NPAS3: variants seen among roughly 807,000 people sequenced by gnomAD.
NPAS3 encodes the protein neuronal PAS domain protein 3.
In NPAS3, 14 loss-of-function variants were observed where a neutral mutation model predicts 73.1. That is an observed-to-expected ratio of 0.19 (90% confidence interval 0.13 to 0.30). The LOEUF is 0.30. Among genes scored for constraint, NPAS3 ranks in the 10% least tolerant of loss-of-function variants. The probability of loss-of-function intolerance (pLI) is 1.00; values close to 1 mark genes in which losing one functional copy is unlikely to be tolerated. For missense variants in NPAS3, 1,096 were observed against 1,250.0 expected (o/e 0.88, Z 1.86); for synonymous variants, 620 against 541.5 (o/e 1.14, Z -2.01).
Position 33,574,085 on chromosome 14 carries a change from C to A in NPAS3, c.558+13875C>A, listed in dbSNP as rs374763674. 2.8e-4 allele frequency among the ~76,000 whole-genome samples: 42 copies of A among 152,236 alleles called. No homozygotes were observed. The South Asian group carries it at 7.7e-3, about 28-fold the overall frequency. On this transcript the variant is annotated intron_variant, in intron 5 of 11. Transcript: ENST00000356141. ...TTCAGAGCTCAAGAGAGGTTGGGTT[C>A]AAAGTTCCAGGTTGGGAGGTGGTTA...
At chr14:33,766,727 A>T (rs2062474603) in intron 7 of NPAS3, among the ~76,000 whole-genome samples, 1 of 152,140 alleles carries the variant, frequency 6.6e-6, no homozygotes, top group Non-Finnish European at 1.5e-5. Flanking sequence ...CCATCCACTT[A>T]CTTCCTGAGT....
intron 3 of NPAS3, among the ~76,000 whole-genome samples, chr14:33,256,701 G>T (rs1241144128): frequency 6.6e-6 from 1 of 152,032 alleles, no homozygotes; most frequent in Non-Finnish European, 1.5e-5. Flanking sequence ...ATTTCCTTCT[G>T]TTGTAAACAC....
intron 7 of NPAS3, among the ~76,000 whole-genome samples, chr14:33,765,747 A>G (rs2062441851): frequency 1.3e-5 from 2 of 152,048 alleles, no homozygotes. Context: ...GGTCATCTTT[A>G]TTAAGATCTC....
chr14:33,419,955 T>C (rs1413928824), intron 4 of NPAS3, among the ~76,000 whole-genome samples: 1 of 151,934 alleles, frequency 6.6e-6, no homozygotes. Flanking sequence ...TACTTCCAAG[T>C]TACTTTTTTT....
chr14:33,707,119 A>G (rs10147995), intron 6 of NPAS3, among the ~76,000 whole-genome samples: 4,339 of 152,308 alleles, frequency 0.028, 205 homozygotes, highest in African/African-American at 0.098. Context: ...GGGTACTCAC[A>G]TCAGTCTCCT....
At chr14:33,344,055 A>C (rs1566815575) in intron 3 of NPAS3, among the ~76,000 whole-genome samples, 1 of 152,166 alleles carries the variant, frequency 6.6e-6, no homozygotes, top group Non-Finnish European at 1.5e-5. Flanking sequence ...ATATTCCCAT[A>C]CTTAGAGTGA....
intron 3 of NPAS3, among the ~76,000 whole-genome samples, chr14:33,359,690 A>G (rs1246294610): frequency 6.6e-6 from 1 of 152,222 alleles, no homozygotes; most frequent in East Asian, 1.9e-4. Context: ...GTGTATTTGT[A>G]GGGAAGATAA....
chr14:32,939,165 C>G (rs1204818646), upstream of NPAS3: 10 of 168,310 alleles, frequency 5.9e-5, no homozygotes, highest in African/African-American at 2.5e-4. Flanking sequence ...CGGCCCCGGC[C>G]CCGGCCACCG....
At chr14:33,336,928 G>C (rs1412834104) in intron 3 of NPAS3, among the ~76,000 whole-genome samples, 1 of 152,058 alleles carries the variant, frequency 6.6e-6, no homozygotes, top group Non-Finnish European at 1.5e-5. Context: ...TTATTGGGTT[G>C]TTTGTCTTTG....
intron 4 of NPAS3, among the ~76,000 whole-genome samples, chr14:33,403,183 C>T (rs2047519554): frequency 1.3e-5 from 2 of 151,752 alleles, no homozygotes; most frequent in African/African-American, 2.4e-5. Context: ...GAGATGTTTC[C>T]AAAGCCACAA....
chr14:33,454,199 A>T (rs1212127534), intron 4 of NPAS3, among the ~76,000 whole-genome samples: 1 of 152,232 alleles, frequency 6.6e-6, no homozygotes, highest in Non-Finnish European at 1.5e-5. Context: ...CAGTGCCAGT[A>T]AGTGTATATT....
intron 2 of NPAS3, among the ~76,000 whole-genome samples, chr14:33,105,682 T>G (rs2138920849): frequency 6.6e-6 from 1 of 151,360 alleles, no homozygotes; most frequent in South Asian, 2.1e-4. Flanking sequence ...CAGTCCCAAA[T>G]TAGTGCTAGT....
At chr14:33,391,033 T>C (rs561451702) in intron 4 of NPAS3, among the ~76,000 whole-genome samples, 5 of 152,312 alleles carry the variant, frequency 3.3e-5, no homozygotes, top group South Asian at 2.1e-4. Flanking sequence ...ATTTGTATTA[T>C]GTATCCCTTT....
In NPAS3 at chr14:33,007,145, G is replaced by C. The variant is rs534459573; in HGVS notation, c.51-48760G>C. ...TTAAGTGTTAATTTAAATAAATGAG[G>C]TTCCTATTATAAGTACCCCTTTCTA... On this transcript the variant is annotated intron_variant, in intron 1 of 11. Coordinates refer to ENST00000356141, the Ensembl canonical transcript of NPAS3. Among the ~76,000 whole-genome samples, 45 of 152,260 alleles carry C rather than the reference G, an allele frequency of 3.0e-4. No individual in the cohort carries two copies. The South Asian group carries it at 8.5e-3, about 29-fold the overall frequency.
chr14:33,771,610 G>A (rs2062653911), intron 7 of NPAS3, among the ~76,000 whole-genome samples: 2 of 152,110 alleles, frequency 1.3e-5, no homozygotes, highest in South Asian at 4.1e-4. Context: ...AGGAGATTGA[G>A]ACCATCCTGG....
At chr14:33,401,528 C>A (rs1288594275) in intron 4 of NPAS3, among the ~76,000 whole-genome samples, 1 of 151,992 alleles carries the variant, frequency 6.6e-6, no homozygotes, top group African/African-American at 2.4e-5. Flanking sequence ...AGTCAGATTC[C>A]ACTGGGGCCT....
intron 9 of NPAS3, 45 bp from the exon 10 acceptor site, chr14:33,793,852 A>T: frequency 2.6e-6 from 4 of 1,544,206 alleles, no homozygotes; most frequent in Admixed American, 2.0e-5. Context: ...AAGTTATTTG[A>T]TCCCAGTCTT....
chr14:33,455,787 C>G (rs918095732), intron 4 of NPAS3, among the ~76,000 whole-genome samples: 2 of 152,204 alleles, frequency 1.3e-5, no homozygotes, highest in African/African-American at 4.8e-5. Flanking sequence ...TAACGAGTGG[C>G]TCCTCTAAGA....
Position 33,308,559 on chromosome 14 carries a change from C to CAT in NPAS3, c.386-58625_386-58624dup, listed in dbSNP as rs2042870719. Among the ~76,000 whole-genome samples, 6 of 60,658 alleles carry CAT rather than the reference C, an allele frequency of 9.9e-5. 1 individual carries two copies. Among genetic ancestry groups the CAT allele is most frequent in the Admixed American group, 6.5e-4 (4 of 6,192 alleles). The allele number at this position is 60,658 out of a possible 152,430, so 39.8% of individuals were successfully genotyped here. On this transcript the variant is annotated intron_variant, in intron 3 of 11. Transcript: ENST00000356141. ...ACACACACACACACACACACACATA[C>CAT]ATACATTATATATATGTATATCTAT...
Sources: allele counts gnomAD v4.1 joint callset (sites outside exome capture counted in the v4.1 genomes callset), GRCh38; gene constraint gnomAD v4.1.1; transcripts MANE v1.5; gene names NCBI Gene and HGNC (gene_info 2026-07-23, HGNC 2026-07-21).